CFH: variants seen among roughly 807,000 people sequenced by gnomAD.
The protein encoded by CFH is complement factor H.
In CFH, 53 loss-of-function variants were observed where a neutral mutation model predicts 147.3. The observed-to-expected ratio is 0.36, with a 90% CI of 0.29 to 0.45. The LOEUF (loss-of-function observed/expected upper bound fraction) is 0.45. Among genes scored for constraint, CFH ranks in the 20% least tolerant of loss-of-function variants. CFH has a pLI of 1.00. For missense variants in CFH, 1,380 were observed against 1,498.0 expected, an observed-to-expected ratio of 0.92 and a Z score of 1.30; for synonymous variants, 536 against 489.4, an observed-to-expected ratio of 1.10 and a Z score of -1.26.
chr1:196,724,554 G>T (rs923448265), intron 11 of CFH, among the ~76,000 whole-genome samples: 7 of 152,024 alleles, frequency 4.6e-5, no homozygotes, highest in African/African-American at 1.7e-4. Context: ...GGTCCCACAG[G>T]GTCCTAGTCA....
chr1:196,711,063 C>G (rs1401814468), intron 9 of CFH, among the ~76,000 whole-genome samples: 4 of 151,842 alleles, frequency 2.6e-5, no homozygotes, highest in Non-Finnish European at 5.9e-5. Context: ...CTGTTATAAG[C>G]AATTTGTGTT....
At chr1:196,684,706 A>C (rs905532520) in intron 6 of CFH, among the ~76,000 whole-genome samples, 54 of 152,068 alleles carry the variant, frequency 3.6e-4, no homozygotes, top group African/African-American at 1.3e-3. Flanking sequence ...GAAACACTGA[A>C]TATTTGTAAA....
intron 11 of CFH, among the ~76,000 whole-genome samples, chr1:196,722,360 G>A (rs1558177052): frequency 6.6e-6 from 1 of 151,998 alleles, no homozygotes; most frequent in East Asian, 1.9e-4. Context: ...TCTAATATAT[G>A]TTTTTTCAAT....
At chr1:196,674,029 A>G (rs1334623334) in intron 3 of CFH, 67 bp downstream of exon 3, 2 of 1,077,500 alleles carry the variant, frequency 1.9e-6, no homozygotes, top group Non-Finnish European at 2.8e-6. Flanking sequence ...TACTTTATAT[A>G]TTTTTAAGGT....
At chr1:196,665,639 C>A (rs942997743) in intron 1 of CFH, among the ~76,000 whole-genome samples, 1 of 152,052 alleles carries the variant, frequency 6.6e-6, no homozygotes, top group African/African-American at 2.4e-5. Context: ...CAGAGCTTTG[C>A]TCTTGTTGCC....
chr1:196,677,981 C>T, intron 5 of CFH: 1 of 361,782 alleles, frequency 2.8e-6, no homozygotes, highest in Non-Finnish European at 5.3e-6. Context: ...TTATCTGACA[C>T]CAGAGTCCAT....
At chr1:196,668,270 T>C (rs1382997203) in intron 1 of CFH, among the ~76,000 whole-genome samples, 2 of 152,188 alleles carry the variant, frequency 1.3e-5, no homozygotes, top group African/African-American at 4.8e-5. Context: ...TTCTTTCTGC[T>C]TTTGTTTGCT....
intron 21 of CFH, 129 bp downstream of exon 21, chr1:196,746,128 TG>T: frequency 6.5e-7 from 1 of 1,535,638 alleles, no homozygotes. Flanking sequence ...CAAATATTTC[TG>T]TCAGAAAGTA....
chr1:196,684,921 G>A (rs539061947), intron 6 of CFH, 143 bp from the exon 7 acceptor site: 4 of 669,758 alleles, frequency 6.0e-6, no homozygotes, highest in Non-Finnish European at 5.2e-6. Context: ...TACCAGAAAG[G>A]ATACTATGAT....
rs374098429 is a variant in CFH at position 196,707,510 on chromosome 1, C to T, written c.1337-6225C>T. 6.6e-5 allele frequency among the ~76,000 whole-genome samples: 10 copies of T among 152,324 alleles called. 1 individual carries two copies. In the East Asian group the frequency reaches 1.4e-3, roughly 21 times the overall value. On this transcript the variant is annotated intron_variant, in intron 9 of 21. Coordinates refer to ENST00000367429, the MANE Select transcript of CFH (RefSeq NM_000186.4). Reference sequence around the variant, plus strand: ...TCTGCTCAAGACCAGGAAAAGTCGACATCCTGGGGACCACTTAAAACACAG... The same window carrying T: ...TCTGCTCAAGACCAGGAAAAGTCGATATCCTGGGGACCACTTAAAACACAG...
Position 196,744,355 on chromosome 1 carries a change from G to A in CFH, c.3310+727G>A, listed in dbSNP as rs573806265. Reference sequence around the variant, plus strand: ...ATTGATATATAGGACTTAAATCTCTGTCGTTTATTTGTTTCTGCCTGTTTC... The same window carrying A: ...ATTGATATATAGGACTTAAATCTCTATCGTTTATTTGTTTCTGCCTGTTTC... On this transcript the variant is annotated intron_variant, in intron 20 of 21. Coordinates refer to ENST00000367429, the MANE Select transcript of CFH (RefSeq NM_000186.4). 4.3e-4 allele frequency among the ~76,000 whole-genome samples: 65 copies of A among 152,002 alleles called. No homozygotes were observed. In the Middle Eastern group the frequency reaches 0.01, roughly 24 times the overall value.
rs564280628 is a variant in CFH, at chr1:196,675,795, G to C, written c.351-194G>C. On this transcript the variant is annotated intron_variant, in intron 3 of 21. Coordinates refer to ENST00000367429, the MANE Select transcript of CFH (RefSeq NM_000186.4). Reference sequence around the variant, plus strand: ...GAAGAAGATTAATGTTCTAGAGAACGTTAAGAAATCTAAGACAGAGTGAAG... The same window carrying C: ...GAAGAAGATTAATGTTCTAGAGAACCTTAAGAAATCTAAGACAGAGTGAAG... Among the ~76,000 whole-genome samples, 3 of 152,064 alleles carry C rather than the reference G, an allele frequency of 2.0e-5. No homozygotes were observed. The South Asian group carries it at 6.2e-4, about 32-fold the overall frequency.
chr1:196,657,218 CT>C (rs1666732752), intron 1 of CFH, among the ~76,000 whole-genome samples: 1 of 151,904 alleles, frequency 6.6e-6, no homozygotes, highest in Admixed American at 6.6e-5. Flanking sequence ...GAGTTTGTTT[CT>C]TTAAACAATT....
At chr1:196,721,201 T>C (rs1027796533) in intron 11 of CFH, among the ~76,000 whole-genome samples, 2 of 152,030 alleles carry the variant, frequency 1.3e-5, no homozygotes, top group African/African-American at 4.8e-5. Context: ...TTCTGGATAT[T>C]AGCCCTTTTT....
At chr1:196,714,793 C>T (rs1348092691) in intron 10 of CFH, among the ~76,000 whole-genome samples, 3 of 146,256 alleles carry the variant, frequency 2.1e-5, no homozygotes, top group Non-Finnish European at 3.0e-5. Context: ...CTCCATTTTC[C>T]GTTTTCAAGC....
At chr1:196,735,180 G>C (rs1324869714) in intron 15 of CFH, among the ~76,000 whole-genome samples, 1 of 152,006 alleles carries the variant, frequency 6.6e-6, no homozygotes, top group Non-Finnish European at 1.5e-5. Context: ...CATTTGTCTT[G>C]TGGTTTGTCT....
At chr1:196,718,157 A>G (rs1558175283) in intron 11 of CFH, among the ~76,000 whole-genome samples, 1 of 152,122 alleles carries the variant, frequency 6.6e-6, no homozygotes, top group Non-Finnish European at 1.5e-5. Flanking sequence ...ACAGGAGAAA[A>G]TGGTGAAAAC....
At chr1:196,736,693 G>A in intron 15 of CFH, 131 bp from the exon 16 acceptor site, 1 of 350,282 alleles carries the variant, frequency 2.9e-6, no homozygotes, top group African/African-American at 2.2e-5. Context: ...GATAATTTAT[G>A]AAACAGTTAT....
At chr1:196,687,944 A>T (rs1208599518) in intron 7 of CFH, among the ~76,000 whole-genome samples, 1 of 151,994 alleles carries the variant, frequency 6.6e-6, no homozygotes, top group East Asian at 1.9e-4. Flanking sequence ...TACATTTAAG[A>T]TATACAATTA....
Sources: allele counts gnomAD v4.1 joint callset (sites outside exome capture counted in the v4.1 genomes callset), GRCh38; gene constraint gnomAD v4.1.1; transcripts MANE v1.5; gene names NCBI Gene and HGNC (gene_info 2026-07-23, HGNC 2026-07-21).